The following BMP6 variants were observed in gnomAD, a reference collection of about 807,000 sequenced individuals.
The protein encoded by BMP6 is VG-1-R.
Under a neutral mutation model 54.1 loss-of-function variants are expected in BMP6, and 17 were observed. The ratio of observed to expected loss-of-function variants is 0.31; its 90% confidence interval spans 0.22 to 0.47. BMP6 has a LOEUF of 0.47. Among genes scored for constraint, BMP6 ranks in the 20% least tolerant of loss-of-function variants. The pLI is 1.00. For missense variants in BMP6, 720 were observed against 690.4 expected, an observed-to-expected ratio of 1.04 and a Z score of -0.48; for synonymous variants, 328 against 291.2, an observed-to-expected ratio of 1.13 and a Z score of -1.28.
At chr6:7,788,247 A>C (rs1356479370) in intron 1 of BMP6, among the ~76,000 whole-genome samples, 1 of 152,242 alleles carries the variant, frequency 6.6e-6, no homozygotes, top group Non-Finnish European at 1.5e-5. Flanking sequence ...GGTAGTAATT[A>C]TTTGAGGGCA....
At chr6:7,847,347 G>T (rs945286857) in intron 2 of BMP6, among the ~76,000 whole-genome samples, 2 of 152,170 alleles carry the variant, frequency 1.3e-5, no homozygotes, top group African/African-American at 4.8e-5. Context: ...GCCAGGAAGA[G>T]ATTTTCTTTT....
chr6:7,778,229 G>A (rs1359443480), intron 1 of BMP6, among the ~76,000 whole-genome samples: 2 of 152,166 alleles, frequency 1.3e-5, no homozygotes, highest in East Asian at 3.9e-4. Context: ...ATAAATGCAC[G>A]TTGTAGAAAA....
At chr6:7,796,601 C>T (rs1481109929) in intron 1 of BMP6, among the ~76,000 whole-genome samples, 5 of 152,124 alleles carry the variant, frequency 3.3e-5, no homozygotes, top group East Asian at 1.9e-4. Context: ...AAAAACCATC[C>T]GTATGCCCTA....
chr6:7,772,592 T>C (rs1370112524), intron 1 of BMP6, among the ~76,000 whole-genome samples: 1 of 152,130 alleles, frequency 6.6e-6, no homozygotes, highest in Non-Finnish European at 1.5e-5. Context: ...TGCCATTGCA[T>C]CCTCTCCCTC....
intron 1 of BMP6, among the ~76,000 whole-genome samples, chr6:7,835,516 T>C (rs527650158): frequency 2.6e-5 from 4 of 152,324 alleles, no homozygotes; most frequent in Admixed American, 2.6e-4. Flanking sequence ...TCTTTTGTTC[T>C]CTCTTTAAGC....
rs118091726 is a variant in BMP6 at position 7,756,128 on chromosome 6, G to C, written c.664+28509G>C. Among the ~76,000 whole-genome samples, 160 of 151,806 alleles carry C rather than the reference G, an allele frequency of 1.1e-3. 1 individual carries two copies. The East Asian group carries it at 0.022, about 21-fold the overall frequency. ...AGTCACTTTTTGGCTTTCCTCTTTC[G>C]TCACCTCCTTCTGGGTTTCAAATTA... On this transcript the variant is annotated intron_variant, in intron 1 of 6. Transcript: ENST00000283147.
intron 1 of BMP6, among the ~76,000 whole-genome samples, chr6:7,754,449 A>G (rs1001433892): frequency 6.6e-6 from 1 of 151,984 alleles, no homozygotes; most frequent in Non-Finnish European, 1.5e-5. Flanking sequence ...TCTATCAATT[A>G]CTGGATGTTG....
chr6:7,848,888 T>C (rs1759104873), intron 2 of BMP6, among the ~76,000 whole-genome samples: 1 of 152,230 alleles, frequency 6.6e-6, no homozygotes, highest in South Asian at 2.1e-4. Context: ...ATTCATATAG[T>C]AGTTACAGTT....
intron 1 of BMP6, among the ~76,000 whole-genome samples, chr6:7,770,078 T>G (rs933190280): frequency 2.0e-4 from 30 of 152,000 alleles, no homozygotes; most frequent in Middle Eastern, 3.2e-3. Flanking sequence ...CCTTTTTAAA[T>G]GCTGCTTGTC....
chr6:7,736,807 G>T (rs915474963), intron 1 of BMP6, among the ~76,000 whole-genome samples: 2 of 152,154 alleles, frequency 1.3e-5, no homozygotes, highest in African/African-American at 2.4e-5. Context: ...GTTACTCATT[G>T]TAGTGGGGTA....
chr6:7,769,139 T>A (rs1227855250), intron 1 of BMP6, among the ~76,000 whole-genome samples: 1 of 152,172 alleles, frequency 6.6e-6, no homozygotes, highest in East Asian at 1.9e-4. Context: ...GCAAAAAAGT[T>A]TTGCAAATGT....
At chr6:7,819,274 G>C (rs1033206549) in intron 1 of BMP6, among the ~76,000 whole-genome samples, 1 of 152,184 alleles carries the variant, frequency 6.6e-6, no homozygotes, top group Admixed American at 6.5e-5. Context: ...AGCAGCTGGA[G>C]AGGATGATCG....
At chr6:7,795,363 G>A (rs1407488130) in intron 1 of BMP6, among the ~76,000 whole-genome samples, 1 of 152,198 alleles carries the variant, frequency 6.6e-6, no homozygotes, top group African/African-American at 2.4e-5. Context: ...ATTGGCCTGG[G>A]AAGATGATCT....
intron 1 of BMP6, among the ~76,000 whole-genome samples, chr6:7,774,956 G>A (rs1757842403): frequency 6.6e-6 from 1 of 152,158 alleles, no homozygotes; most frequent in African/African-American, 2.4e-5. Context: ...AAGGTGGAAT[G>A]GCAAGAGAAC....
intron 1 of BMP6, among the ~76,000 whole-genome samples, chr6:7,795,189 A>G (rs1043821094): frequency 2.0e-5 from 3 of 152,148 alleles, no homozygotes; most frequent in Admixed American, 2.0e-4. Context: ...GTAACCTTTC[A>G]TGGGGAGAAA....
In BMP6 at chr6:7,881,380, A is replaced by G. The variant is rs1759725821; in HGVS notation, c.*1037A>G. On this transcript the variant is annotated 3_prime_UTR_variant, in exon 7 of 7. Transcript: ENST00000283147. ...TTCACAATCATGTACTGGGAAGGCAATTTCATACTAAACTGATTAAATAAT... is the reference window on the plus strand; with the variant it reads ...TTCACAATCATGTACTGGGAAGGCAGTTTCATACTAAACTGATTAAATAAT... 1 of 152,644 alleles carries G rather than the reference A, an allele frequency of 6.6e-6. No homozygotes were observed. Among genetic ancestry groups the G allele is most frequent in the Non-Finnish European group, 1.5e-5 (1 of 68,042 alleles). The allele number at this position is 152,644 out of a possible 1,614,324, so 9.5% of individuals were successfully genotyped here.
At chr6:7,752,970 A>G (rs1757449307) in intron 1 of BMP6, among the ~76,000 whole-genome samples, 1 of 152,162 alleles carries the variant, frequency 6.6e-6, no homozygotes, top group East Asian at 1.9e-4. Flanking sequence ...GCCAGGAGTC[A>G]GCCTATCATG....
At chr6:7,859,445 C>A (rs1346851172) in intron 2 of BMP6, among the ~76,000 whole-genome samples, 1 of 152,114 alleles carries the variant, frequency 6.6e-6, no homozygotes, top group East Asian at 1.9e-4. Flanking sequence ...CCGAGATTCC[C>A]ACTGGGTCTT....
chr6:7,874,981 C>T (rs941575979), intron 4 of BMP6, among the ~76,000 whole-genome samples: 2 of 151,982 alleles, frequency 1.3e-5, no homozygotes, highest in East Asian at 1.9e-4. Context: ...CAGGCAATTA[C>T]GGAGGCCAAG....
Sources: gnomAD v4.1 joint callset for allele counts (sites outside exome capture counted in the v4.1 genomes callset) on GRCh38, gnomAD v4.1.1 for gene constraint, MANE v1.5 for transcripts, NCBI Gene and HGNC (gene_info 2026-07-23, HGNC 2026-07-21) for gene names.